NAV3: variants seen among roughly 807,000 people sequenced by gnomAD.
The protein encoded by NAV3 is neuron navigator 3.
NAV3 carries 87 observed loss-of-function variants against 244.7 expected under a neutral mutation model. The ratio of observed to expected loss-of-function variants is 0.36; its 90% CI spans 0.30 to 0.42. The LOEUF (loss-of-function observed/expected upper bound fraction) is 0.42. Ranked by LOEUF, NAV3 falls within the 20% of genes least tolerant of loss-of-function variation. NAV3 has a pLI of 1.00. For synonymous variants in NAV3, 1,126 were observed against 1,042.2 expected (o/e 1.08, Z -1.55); for missense variants, 2,663 against 2,893.3 (o/e 0.92, Z 1.83).
chr12:77,755,618 C>CTTCT (rs1263106192), intron 2 of NAV3, among the ~76,000 whole-genome samples: 1 of 97,318 alleles, frequency 1.0e-5, no homozygotes, highest in Admixed American at 1.0e-4. Context: ...TCCCTCCTTC[C>CTTCT]TTCCTTCCTT....
At chr12:77,807,805 G>A (rs754845968) in intron 2 of NAV3, among the ~76,000 whole-genome samples, 5 of 152,068 alleles carry the variant, frequency 3.3e-5, no homozygotes, top group Admixed American at 6.5e-5. Flanking sequence ...TCACTTTCAC[G>A]TACACCAATC....
intron 2 of NAV3, among the ~76,000 whole-genome samples, chr12:77,658,863 A>T (rs1448267770): frequency 6.6e-6 from 1 of 152,192 alleles, no homozygotes; most frequent in Non-Finnish European, 1.5e-5. Context: ...TGGGGAAAGG[A>T]TTCCCTATTT....
chr12:77,771,084 C>T lies in NAV3; in HGVS notation c.73-169235C>T, dbSNP rs1263827461. ...ATTTACAAGAAAAAAACAAACAACC[C>T]CATCAAAAAGTGGGCGAAGGATATG... is the stretch of plus-strand genomic sequence containing the variant. On this transcript the variant is annotated intron_variant, in intron 2 of 8. Transcript: ENST00000550042. Among the ~76,000 whole-genome samples, 6 of 152,030 alleles carry T rather than the reference C, an allele frequency of 3.9e-5. No homozygotes were observed. The East Asian group carries it at 1.2e-3, about 29-fold the overall frequency.
chr12:77,711,584 G>A (rs1204984281), intron 2 of NAV3, among the ~76,000 whole-genome samples: 1 of 152,210 alleles, frequency 6.6e-6, no homozygotes, highest in Non-Finnish European at 1.5e-5. Flanking sequence ...GGTATGGAAT[G>A]CGGTGTCAGG....
At position 77,966,273 on chromosome 12, in the gene NAV3, G is replaced by T. The variant is rs1406826673; in HGVS notation, c.459G>T (p.Gly153=). 6.2e-7 allele frequency: 1 copy of T among 1,613,318 alleles called. No individual in the cohort carries two copies. The highest frequency in any genetic ancestry group is 8.5e-7 in the Non-Finnish European group (1 of 1,179,656). ...DVCLSFLAAR[G]VNVQGLSAEE... ...GCCTTAGTTTTCTAGCAGCCAGAGG[G>T]GTAAATGTTCAAGGTCTATCTGCTG... Residue 153 remains glycine, a synonymous_variant, in exon 4 of 40, where the codon GGG becomes GGT. Transcript: ENST00000397909.
At chr12:78,025,252 G>A (rs1395901851) in intron 9 of NAV3, among the ~76,000 whole-genome samples, 2 of 151,752 alleles carry the variant, frequency 1.3e-5, no homozygotes, top group Non-Finnish European at 1.5e-5. Context: ...TTCTTCCTTG[G>A]TGCTATAGTT....
intron 2 of NAV3, among the ~76,000 whole-genome samples, chr12:77,620,531 C>T (rs1038390756): frequency 8.6e-5 from 13 of 151,804 alleles, no homozygotes; most frequent in East Asian, 1.9e-4. Flanking sequence ...GGTGCGATCT[C>T]GGCTCACTGC....
At chr12:77,917,938 A>G (rs186937350) in intron 1 of NAV3, among the ~76,000 whole-genome samples, 5 of 152,170 alleles carry the variant, frequency 3.3e-5, no homozygotes, top group African/African-American at 1.2e-4. Context: ...TATAATTGAT[A>G]ACTTCTCTTC....
intron 38 of NAV3, among the ~76,000 whole-genome samples, chr12:78,201,204 T>C (rs986040495): frequency 6.6e-6 from 1 of 151,042 alleles, no homozygotes; most frequent in Non-Finnish European, 1.5e-5. Context: ...GGTGGGAGTA[T>C]AGGCACACAC....
intron 2 of NAV3, among the ~76,000 whole-genome samples, chr12:77,642,339 C>T (rs1872451413): frequency 6.6e-6 from 1 of 151,958 alleles, no homozygotes; most frequent in South Asian, 2.1e-4. Context: ...AAGAATATTG[C>T]CTTTCAGGAG....
At chr12:78,058,027 A>T (rs1043783187) in intron 11 of NAV3, among the ~76,000 whole-genome samples, 1 of 152,236 alleles carries the variant, frequency 6.6e-6, no homozygotes, top group Non-Finnish European at 1.5e-5. Flanking sequence ...CTAAAGGAAG[A>T]TGCTGAACTG....
In NAV3 at chr12:77,831,221, G is replaced by A. The variant is rs1592724585; in HGVS notation, c.-241G>A. 14 of 234,554 alleles carry A rather than the reference G, an allele frequency of 6.0e-5. No individual in the cohort carries two copies. Among genetic ancestry groups the A allele is most frequent in the Middle Eastern group, 1.5e-3 (1 of 660 alleles). 14.5% of individuals were successfully genotyped at this position (234,554 alleles called of 1,614,324 possible). A position where few individuals can be genotyped will look rare whatever the true frequency, so the allele number is the denominator to read the frequency against. On this transcript the variant is annotated 5_prime_UTR_variant, in exon 1 of 40. Coordinates refer to ENST00000397909, the MANE Select transcript of NAV3 (RefSeq NM_001024383.2). ...AGAGAGAGAGAGAGAGAGAGAGAAAGAGAGAGAGAGAGAGAATGAGAATGA... is the reference window on the plus strand; with the variant it reads ...AGAGAGAGAGAGAGAGAGAGAGAAAAAGAGAGAGAGAGAGAATGAGAATGA...
At chr12:77,919,525 T>C (rs1887498739) in intron 1 of NAV3, among the ~76,000 whole-genome samples, 1 of 152,108 alleles carries the variant, frequency 6.6e-6, no homozygotes, top group Non-Finnish European at 1.5e-5. Flanking sequence ...AGATATTTTC[T>C]TTGGTATTTA....
At chr12:77,929,798 A>ATTTTT (rs10602394) in intron 1 of NAV3, among the ~76,000 whole-genome samples, 19 of 106,002 alleles carry the variant, frequency 1.8e-4, no homozygotes, top group Non-Finnish European at 2.6e-4. Flanking sequence ...ACGGCCAGCT[A>ATTTTT]TTTTTTTTTT....
At chr12:78,195,147 C>T (rs1959146928) in intron 34 of NAV3, among the ~76,000 whole-genome samples, 1 of 151,896 alleles carries the variant, frequency 6.6e-6, no homozygotes, top group Admixed American at 6.6e-5. Context: ...AACAAAGAAG[C>T]AAACAAACAT....
chr12:77,609,084 T>G (rs909368197), intron 2 of NAV3, among the ~76,000 whole-genome samples: 1 of 152,114 alleles, frequency 6.6e-6, no homozygotes, highest in Non-Finnish European at 1.5e-5. Context: ...TTGGAAACAT[T>G]GCTTTATCTG....
intron 12 of NAV3, among the ~76,000 whole-genome samples, chr12:78,064,422 T>TGCCTGCCTGCCTGC (rs1566082119): frequency 8.8e-6 from 1 of 113,072 alleles, no homozygotes; most frequent in African/African-American, 3.2e-5. Context: ...TGTCTGTCTG[T>TGCCTGCCTGCCTGC]CTGTCTGCCT....
intron 2 of NAV3, among the ~76,000 whole-genome samples, chr12:77,757,622 G>C (rs1869251770): frequency 6.6e-6 from 1 of 152,110 alleles, no homozygotes; most frequent in Admixed American, 6.6e-5. Flanking sequence ...TGTTTTCCCT[G>C]AAAGTTTCAC....
chr12:77,726,879 G>A (rs950492285), intron 2 of NAV3, among the ~76,000 whole-genome samples: 6 of 151,988 alleles, frequency 3.9e-5, no homozygotes, highest in East Asian at 1.9e-4. Context: ...GGATGAAGAC[G>A]GAGAGGTGAG....
Sources: allele counts gnomAD v4.1 joint callset (sites outside exome capture counted in the v4.1 genomes callset), GRCh38; gene constraint gnomAD v4.1.1; transcripts MANE v1.5; gene names NCBI Gene and HGNC (gene_info 2026-07-23, HGNC 2026-07-21).